Variants in FAM83G observed in about 807,000 individuals in gnomAD.
FAM83G encodes protein FAM83G.
A neutral mutation model predicts 61.5 loss-of-function variants in FAM83G; 38 were observed. That is an observed-to-expected ratio of 0.62 (90% CI 0.48 to 0.81). The LOEUF is 0.81. Ranked by LOEUF, FAM83G falls within the 30% of genes least tolerant of loss-of-function variation. The pLI, the probability that FAM83G is intolerant of heterozygous loss-of-function variation, is 0.00. For synonymous variants in FAM83G, 470 were observed against 476.1 expected, an observed-to-expected ratio of 0.99 and a Z score of 0.17; for missense variants, 989 against 1,133.6, an observed-to-expected ratio of 0.87 and a Z score of 1.83.
intron 5 of FAM83G, among the ~76,000 whole-genome samples, chr17:18,975,047 C>T (rs1279259487): frequency 1.3e-5 from 2 of 152,180 alleles, no homozygotes; most frequent in African/African-American, 4.8e-5. Context: ...TGTCCCAGGG[C>T]CAGCTGACAT....
intron 2 of FAM83G, among the ~76,000 whole-genome samples, chr17:19,002,061 CA>C (rs1370545319): frequency 2.0e-5 from 3 of 152,200 alleles, no homozygotes; most frequent in Non-Finnish European, 2.9e-5. Flanking sequence ...CTCCACACCA[CA>C]GCAGGTGTGG....
chr17:18,987,661 C>T (rs2043304695), intron 3 of FAM83G, among the ~76,000 whole-genome samples: 2 of 152,378 alleles, frequency 1.3e-5, no homozygotes, highest in African/African-American at 4.8e-5. Context: ...CACTTCTGTT[C>T]CATGGTTTCC....
chr17:19,003,887 C>T lies in FAM83G; in HGVS notation c.155G>A (p.Arg52Gln). Reference sequence around the variant, plus strand: ...CGAGAGGAAGTCTCGGATGTTCTCCCGCTTGAGCACCTCGTAGAAGGCGTC... The same window carrying T: ...CGAGAGGAAGTCTCGGATGTTCTCCTGCTTGAGCACCTCGTAGAAGGCGTC... ...GRDAFYEVLK[R>Q]ENIRDFLSEL... Residue 52 changes from arginine to glutamine, a missense_variant, in exon 2 of 6, where the codon CGG becomes CAG. Arg to Gln is a conservative substitution (Grantham distance 43). This residue lies in a region of FAM83G where 371 missense variants were observed against 404.5 expected (regional missense o/e 0.92). Coordinates refer to ENST00000388995, the MANE Select transcript of FAM83G (RefSeq NM_001039999.3). The surrounding 1 kb of genome is among the most constrained non-coding windows in gnomAD (Gnocchi z 4.5). The T allele has an allele frequency of 6.2e-7, 1 of 1,613,052 alleles. No homozygotes were observed. The highest frequency in any genetic ancestry group is 1.1e-5 in the South Asian group (1 of 91,086).
chr17:18,994,129 C>G (rs1465953580), intron 2 of FAM83G, among the ~76,000 whole-genome samples: 5 of 152,220 alleles, frequency 3.3e-5, no homozygotes, highest in African/African-American at 1.2e-4. Context: ...CAGTGGCCAT[C>G]ATGACCTTGG....
At chr17:18,977,324 C>T (rs1471148636) in intron 5 of FAM83G, 2 of 584,536 alleles carry the variant, frequency 3.4e-6, no homozygotes, top group East Asian at 5.9e-5. Flanking sequence ...CTTTGGAGAC[C>T]TCTAGGTGGG....
At position 18,968,928 on chromosome 17, in the gene FAM83G, G is replaced by A. The variant is rs933556332; in HGVS notation, c.*2431C>T. ...GTGATGCAGGCAGGCAGGCGAGTGG[G>A]GGTCTCCCCTCCTTATCCACAGGCC... On this transcript the variant is annotated 3_prime_UTR_variant, in exon 6 of 6. Coordinates refer to ENST00000388995, the MANE Select transcript of FAM83G (RefSeq NM_001039999.3). The surrounding 1 kb of genome is among the most constrained non-coding windows in gnomAD (Gnocchi z 4.1). 3 of 809,288 alleles carry A rather than the reference G, an allele frequency of 3.7e-6. No individual in the cohort carries two copies. Among genetic ancestry groups the A allele is most frequent in the Admixed American group, 2.9e-5 (1 of 34,606 alleles). The allele number at this position is 809,288 out of a possible 1,614,324, so 50.1% of individuals were successfully genotyped here. A position where few individuals can be genotyped will look rare whatever the true frequency, so the allele number is the denominator to read the frequency against.
chr17:19,000,965 T>G lies in FAM83G; in HGVS notation c.522+2555A>C, dbSNP rs957516855. 1.3e-5 allele frequency among the ~76,000 whole-genome samples: 2 copies of G among 152,106 alleles called. No homozygotes were observed. Among genetic ancestry groups the G allele is most frequent in the Non-Finnish European group, 2.9e-5 (2 of 68,006 alleles). On this transcript the variant is annotated intron_variant, in intron 2 of 5. Coordinates refer to ENST00000388995, the MANE Select transcript of FAM83G (RefSeq NM_001039999.3). This position sits in a 1 kb window ranked among gnomAD's most constrained non-coding sequence, Gnocchi z 5.2. The stretch of plus-strand genomic sequence containing the variant: ...TGGATGAGCTGCCCCTCCCAGCCCC[T>G]GCCTGTCACTCTGTCCTGCCAGGGC...
intron 2 of FAM83G, among the ~76,000 whole-genome samples, chr17:18,991,863 G>A (rs995121069): frequency 6.6e-6 from 1 of 152,228 alleles, no homozygotes; most frequent in Non-Finnish European, 1.5e-5. Flanking sequence ...CGAAGATGCA[G>A]CTGCAGAACC....
At chr17:18,985,653 C>A (rs1029829717) in intron 3 of FAM83G, among the ~76,000 whole-genome samples, 1 of 152,200 alleles carries the variant, frequency 6.6e-6, no homozygotes, top group Admixed American at 6.5e-5. Context: ...TCTGGCCACC[C>A]GCCCAGGGCT....
intron 3 of FAM83G, among the ~76,000 whole-genome samples, chr17:18,980,867 C>G (rs1418782752): frequency 6.6e-6 from 1 of 152,152 alleles, no homozygotes; most frequent in Non-Finnish European, 1.5e-5. Context: ...GTTTTAACAC[C>G]CACTCCAGGG....
chr17:18,979,265 A>T, intron 4 of FAM83G: 1 of 487,382 alleles, frequency 2.1e-6, no homozygotes, highest in Non-Finnish European at 3.7e-6. Context: ...ATCCCTAAGG[A>T]CGGCTCTCAG....
intron 2 of FAM83G, among the ~76,000 whole-genome samples, chr17:18,995,911 T>TAA (rs555014135): frequency 1.0e-3 from 128 of 125,352 alleles, no homozygotes; most frequent in African/African-American, 3.4e-3. Flanking sequence ...CTGTCTCAAT[T>TAA]AAAAAAAAAA....
rs1243486811 is a variant in FAM83G, at chr17:18,970,373, G to C, written c.*986C>G. Reference sequence around the variant, plus strand: ...GAGTGACACAGACACAGATGGGCCAGGGCTTGGCCATGCCGGGCCCTGACC... The same window carrying C: ...GAGTGACACAGACACAGATGGGCCACGGCTTGGCCATGCCGGGCCCTGACC... On this transcript the variant is annotated 3_prime_UTR_variant, in exon 6 of 6. Coordinates refer to ENST00000388995, the MANE Select transcript of FAM83G (RefSeq NM_001039999.3). 6.4e-6 allele frequency: 1 copy of C among 155,352 alleles called. No individual in the cohort carries two copies. The highest frequency in any genetic ancestry group is 1.4e-5 in the Non-Finnish European group (1 of 69,942). The allele number at this position is 155,352 out of a possible 1,614,324, so 9.6% of individuals were successfully genotyped here.
At chr17:18,993,437 G>C (rs2043482007) in intron 2 of FAM83G, among the ~76,000 whole-genome samples, 1 of 152,026 alleles carries the variant, frequency 6.6e-6, no homozygotes, top group Non-Finnish European at 1.5e-5. Flanking sequence ...TCGGGTAAGA[G>C]GGGACAGTTT....
In FAM83G at chr17:19,000,432, G is replaced by A. The variant is rs949305738; in HGVS notation, c.522+3088C>T. Among the ~76,000 whole-genome samples, 6 of 152,204 alleles carry A rather than the reference G, an allele frequency of 3.9e-5. No homozygotes were observed. Among genetic ancestry groups the A allele is most frequent in the African/African-American group, 1.4e-4 (6 of 41,454 alleles). On this transcript the variant is annotated intron_variant, in intron 2 of 5. Coordinates refer to ENST00000388995, the MANE Select transcript of FAM83G (RefSeq NM_001039999.3). This position sits in a 1 kb window ranked among gnomAD's most constrained non-coding sequence, Gnocchi z 5.2. The stretch of plus-strand genomic sequence containing the variant: ...GTTCCAGGTCCCACAGTCAGGCAGA[G>A]GCAGAGCACGGACTCTTGGCTCCTG...
rs1018081238 is a variant in FAM83G, at chr17:18,970,791, T to C, written c.*568A>G. On this transcript the variant is annotated 3_prime_UTR_variant, in exon 6 of 6. Transcript: ENST00000388995. ...GCCCATGTGCAAAATGCTTACTTAA[T>C]AGTATTATTTTAAATACGAATAAAA... 3.5e-6 allele frequency: 2 copies of C among 571,536 alleles called. No homozygotes were observed. The highest frequency in any genetic ancestry group is 6.2e-6 in the Non-Finnish European group (2 of 320,136). 35.4% of individuals were successfully genotyped at this position (571,536 alleles called of 1,614,324 possible).
intron 2 of FAM83G, among the ~76,000 whole-genome samples, chr17:18,994,340 G>A (rs545155462): frequency 9.9e-5 from 15 of 152,260 alleles, no homozygotes; most frequent in Non-Finnish European, 2.1e-4. Flanking sequence ...AGGGAGGGGC[G>A]CCCCCGTGGA....
In FAM83G at chr17:18,969,718, T is replaced by A. The variant is rs2042791727; in HGVS notation, c.*1641A>T. ...GCCACACCCGCATTGGCTCAGCGCT[T>A]GATGGTGAGGTGGGGCTGTAGGCGG... is the stretch of plus-strand genomic sequence containing the variant. On this transcript the variant is annotated 3_prime_UTR_variant, in exon 6 of 6. Coordinates refer to ENST00000388995, the MANE Select transcript of FAM83G (RefSeq NM_001039999.3). The A allele has an allele frequency of 5.5e-6, 2 of 364,352 alleles. No homozygotes were observed. The highest frequency in any genetic ancestry group is 9.9e-6 in the Non-Finnish European group (2 of 201,960). 22.6% of individuals were successfully genotyped at this position (364,352 alleles called of 1,614,324 possible). A position where few individuals can be genotyped will look rare whatever the true frequency, so the allele number is the denominator to read the frequency against.
At position 18,978,241 on chromosome 17, in the gene FAM83G, GC is replaced by G; in HGVS notation, c.1424del (p.Cys475SerfsTer42). The stretch of plus-strand genomic sequence containing the variant: ...GGGGGGCACTGGGCTCTGGGGGAGG[GC>G]AAGGCTCTGGACGGGGCCTGCTGTC... ...SQDSRPRPEP[C>X]PPPEPSAPQD... On this transcript the variant is annotated frameshift_variant, in exon 5 of 6. Transcript: ENST00000388995. LOFTEE classifies it high-confidence loss of function. 4 of 1,593,586 alleles carry G rather than the reference GC, an allele frequency of 2.5e-6. No homozygotes were observed. Among genetic ancestry groups the G allele is most frequent in the Non-Finnish European group, 3.4e-6 (4 of 1,168,996 alleles).
Sources: allele counts gnomAD v4.1 joint callset (sites outside exome capture counted in the v4.1 genomes callset), GRCh38; gene constraint gnomAD v4.1.1; regional missense constraint gnomAD v4.1.1; non-coding constraint Gnocchi (gnomAD v3.1); transcripts MANE v1.5; gene names NCBI Gene and HGNC (gene_info 2026-07-23, HGNC 2026-07-21).